The following ZEB1 variants were observed in gnomAD, a reference collection of about 807,000 sequenced individuals.
The protein encoded by ZEB1 is zinc finger E-box-binding homeobox 1.
In ZEB1, 21 loss-of-function variants were observed where a neutral mutation model predicts 84.9. The ratio of observed to expected loss-of-function variants is 0.25; its 90% CI spans 0.18 to 0.36. ZEB1 has a LOEUF of 0.36. Ranked by LOEUF, ZEB1 falls within the 10% of genes least tolerant of loss-of-function variation. ZEB1 has a pLI of 1.00. For synonymous variants in ZEB1, 420 were observed against 471.1 expected (o/e 0.89, Z 1.41); for missense variants, 1,104 against 1,330.2 (o/e 0.83, Z 2.65).
chr10:31,381,347 AT>A (rs931120312), intron 1 of ZEB1, among the ~76,000 whole-genome samples: 5 of 152,212 alleles, frequency 3.3e-5, no homozygotes, highest in Admixed American at 3.3e-4. Flanking sequence ...CTGGGAAAAT[AT>A]CCCATTCAGA....
At chr10:31,399,806 C>T (rs1217869480) in intron 1 of ZEB1, among the ~76,000 whole-genome samples, 1 of 152,190 alleles carries the variant, frequency 6.6e-6, no homozygotes, top group South Asian at 2.1e-4. Context: ...GGCTGTCATT[C>T]CCAGACAGCC....
intron 1 of ZEB1, among the ~76,000 whole-genome samples, chr10:31,347,457 T>C (rs887495131): frequency 2.6e-5 from 4 of 152,150 alleles, no homozygotes; most frequent in Non-Finnish European, 5.9e-5. Context: ...GTGATCCTCC[T>C]GTTTGGCCTC....
chr10:31,362,430 G>T (rs569280551), intron 1 of ZEB1, among the ~76,000 whole-genome samples: 71 of 125,892 alleles, frequency 5.6e-4, no homozygotes, highest in African/African-American at 2.2e-3. Flanking sequence ...GGCACTCCTC[G>T]CTTCGCAGAC....
At chr10:31,481,405 C>T (rs1173245313) in intron 2 of ZEB1, among the ~76,000 whole-genome samples, 1 of 151,974 alleles carries the variant, frequency 6.6e-6, no homozygotes, top group South Asian at 2.1e-4. Context: ...ATACCATTCT[C>T]CAGTAGAAGG....
At chr10:31,325,480 A>T (rs532816047) in intron 1 of ZEB1, among the ~76,000 whole-genome samples, 1 of 152,058 alleles carries the variant, frequency 6.6e-6, no homozygotes, top group South Asian at 2.1e-4. Context: ...CTCCTAATCA[A>T]CATTATGTAT....
chr10:31,445,556 C>A (rs2136774989), intron 1 of ZEB1, among the ~76,000 whole-genome samples: 1 of 152,160 alleles, frequency 6.6e-6, no homozygotes, highest in African/African-American at 2.4e-5. Context: ...GTGGGTCTGT[C>A]ATAGATAGCT....
chr10:31,429,733 C>CTTTTTTTTTT lies in ZEB1; in HGVS notation c.59-31286_59-31277dup, dbSNP rs35031058. On this transcript the variant is annotated intron_variant, in intron 1 of 8. Coordinates refer to ENST00000424869, the MANE Select transcript of ZEB1 (RefSeq NM_001174096.2). ...CTGTTGTGAATACTTACAGGCAGAACTTTTTTTTTTTTTTTTTTTTTTTTT... is the reference window on the plus strand; with the variant it reads ...CTGTTGTGAATACTTACAGGCAGAACTTTTTTTTTTTTTTTTTTTTTTTTTTTTTTTTTTT... Among the ~76,000 whole-genome samples the CTTTTTTTTTT allele has an allele frequency of 8.8e-5, 7 of 79,548 alleles. 1 individual carries two copies. The highest frequency in any genetic ancestry group is 3.4e-4 in the African/African-American group (5 of 14,900). 52.2% of individuals were successfully genotyped at this position (79,548 alleles called of 152,430 possible).
rs116683999 is a variant in ZEB1 at position 31,427,409 on chromosome 10, A to G, written c.59-33628A>G. Among the ~76,000 whole-genome samples, 525 of 152,330 alleles carry G rather than the reference A, an allele frequency of 3.4e-3. 4 individuals are homozygous for G. Among genetic ancestry groups the G allele is most frequent in the African/African-American group, 0.012 (491 of 41,574 alleles). The stretch of plus-strand genomic sequence containing the variant: ...CCGAAAAAGGGAAGGACTGAAAAGT[A>G]TGAAAAGTGATAGCTTCAGTGAGCC... On this transcript the variant is annotated intron_variant, in intron 1 of 8. Transcript: ENST00000424869.
intron 2 of ZEB1, among the ~76,000 whole-genome samples, chr10:31,474,230 A>T (rs1182363570): frequency 6.6e-6 from 1 of 151,978 alleles, no homozygotes; most frequent in African/African-American, 2.4e-5. Context: ...TAAACTAAAG[A>T]GCTTCTGTAC....
At chr10:31,400,943 G>A (rs1345790829) in intron 1 of ZEB1, among the ~76,000 whole-genome samples, 1 of 151,954 alleles carries the variant, frequency 6.6e-6, no homozygotes, top group Non-Finnish European at 1.5e-5. Flanking sequence ...ATTTCTTCAT[G>A]TTTCATTATA....
intron 1 of ZEB1, among the ~76,000 whole-genome samples, chr10:31,401,726 T>C (rs10128411): frequency 0.048 from 7,255 of 152,234 alleles, 398 homozygotes; most frequent in African/African-American, 0.12. Context: ...TCCCATCAAT[T>C]TTACTGCAAT....
At chr10:31,473,867 G>A (rs1321535085) in intron 2 of ZEB1, among the ~76,000 whole-genome samples, 1 of 150,698 alleles carries the variant, frequency 6.6e-6, no homozygotes, top group Non-Finnish European at 1.5e-5. Flanking sequence ...CAGAGATATA[G>A]ATCAATGGAA....
At chr10:31,355,288 G>A (rs2041936180) in intron 1 of ZEB1, 1 of 152,098 alleles carries the variant, frequency 6.6e-6, no homozygotes, top group South Asian at 2.1e-4. Context: ...TATTTGTGCT[G>A]TATACTATGC....
At chr10:31,480,603 A>G (rs542421551) in intron 2 of ZEB1, among the ~76,000 whole-genome samples, 1 of 152,090 alleles carries the variant, frequency 6.6e-6, no homozygotes, top group African/African-American at 2.4e-5. Context: ...GAACACTTCC[A>G]TTTGCACTAA....
intron 1 of ZEB1, among the ~76,000 whole-genome samples, chr10:31,395,622 C>T (rs185351515): frequency 6.6e-6 from 1 of 152,142 alleles, no homozygotes; most frequent in African/African-American, 2.4e-5. Flanking sequence ...CAAACCTAGG[C>T]AGGGTGCCAC....
intron 1 of ZEB1, among the ~76,000 whole-genome samples, chr10:31,439,840 G>C (rs1564858474): frequency 6.6e-6 from 1 of 152,156 alleles, no homozygotes; most frequent in Admixed American, 6.5e-5. Context: ...GAGAGAGACA[G>C]GTGAGGAGAG....
intron 1 of ZEB1, among the ~76,000 whole-genome samples, chr10:31,436,863 A>G (rs749066506): frequency 6.6e-6 from 1 of 152,078 alleles, no homozygotes. Context: ...AAGAATGTCC[A>G]CTTCTTTCAT....
intron 2 of ZEB1, among the ~76,000 whole-genome samples, chr10:31,471,859 A>G (rs548994409): frequency 4.1e-5 from 6 of 146,338 alleles, no homozygotes; most frequent in Admixed American, 6.6e-5. Flanking sequence ...GTAACAAACT[A>G]TCTCTCAGAC....
At chr10:31,431,979 T>C (rs1314301933) in intron 1 of ZEB1, among the ~76,000 whole-genome samples, 1 of 151,758 alleles carries the variant, frequency 6.6e-6, no homozygotes, top group Non-Finnish European at 1.5e-5. Flanking sequence ...GACAGGAATA[T>C]ATTGAAATAT....
Sources: allele counts gnomAD v4.1 joint callset (sites outside exome capture counted in the v4.1 genomes callset), GRCh38; gene constraint gnomAD v4.1.1; transcripts MANE v1.5; gene names NCBI Gene and HGNC (gene_info 2026-07-23, HGNC 2026-07-21).